Variants in AKR1B10 observed in about 807,000 individuals in gnomAD.
AKR1B10 encodes aldo-keto reductase family 1 member B10.
A neutral mutation model predicts 38.9 loss-of-function variants in AKR1B10; 39 were observed. The ratio of observed to expected loss-of-function variants is 1.00; its 90% CI spans 0.78 to 1.31. The LOEUF (loss-of-function observed/expected upper bound fraction) is 1.31. Among genes scored for constraint, AKR1B10 ranks in the 50% most tolerant of loss-of-function variants. The pLI, the probability that AKR1B10 is intolerant of heterozygous loss-of-function variation, is 0.00. For synonymous variants in AKR1B10, 148 were observed against 141.2 expected, an observed-to-expected ratio of 1.05 and a Z score of -0.34; for missense variants, 361 against 382.6, an observed-to-expected ratio of 0.94 and a Z score of 0.47.
At chr7:134,536,079 A>T (rs1442935462) in intron 4 of AKR1B10, among the ~76,000 whole-genome samples, 2 of 152,242 alleles carry the variant, frequency 1.3e-5, no homozygotes, top group African/African-American at 4.8e-5. Flanking sequence ...GGGTGCCCCT[A>T]TCAGGGTGTA....
intron 5 of AKR1B10, 125 bp from the exon 6 acceptor site, chr7:134,536,926 G>C (rs1279325072): frequency 6.3e-7 from 1 of 1,580,922 alleles, no homozygotes; most frequent in Non-Finnish European, 8.6e-7. Flanking sequence ...GGGTGATTTA[G>C]CAAGTATCTC....
Position 134,539,022 on chromosome 7 carries a change from G to C in AKR1B10, c.908+5G>C. ...GAGGGCCTGTAACGTGTTGCAGTAA[G>C]TGGCATGGAGTTAACTAGAAGCATT... On this transcript the variant is annotated splice_donor_5th_base_variant and intron_variant, in intron 9 of 9. Transcript: ENST00000359579. The C allele has an allele frequency of 6.2e-7, 1 of 1,614,082 alleles. No individual in the cohort carries two copies. Among genetic ancestry groups the C allele is most frequent in the Non-Finnish European group, 8.5e-7 (1 of 1,179,964 alleles).
At chr7:134,540,940 G>C (rs575836073) in intron 9 of AKR1B10, 107 bp from the exon 10 acceptor site, 3 of 823,432 alleles carry the variant, frequency 3.6e-6, no homozygotes, top group East Asian at 5.2e-5. Flanking sequence ...GAGGCTAAGA[G>C]AGCACAAATA....
chr7:134,535,630 T>C, intron 4 of AKR1B10: 1 of 230,592 alleles, frequency 4.3e-6, no homozygotes, highest in Non-Finnish European at 6.9e-6. Flanking sequence ...CAGCTTATAC[T>C]CTACCTGAAG....
intron 1 of AKR1B10, among the ~76,000 whole-genome samples, chr7:134,530,016 C>T (rs1807806012): frequency 6.6e-6 from 1 of 152,096 alleles, no homozygotes; most frequent in Non-Finnish European, 1.5e-5. Flanking sequence ...ACCACAAAGG[C>T]CTCATGAGGC....
chr7:134,538,138 A>T, intron 7 of AKR1B10, 56 bp from the exon 8 acceptor site: 5 of 1,478,160 alleles, frequency 3.4e-6, no homozygotes, highest in South Asian at 1.1e-5. Flanking sequence ...CTTCCTTTCC[A>T]TAAAAGGAGG....
chr7:134,533,001 C>T lies in AKR1B10; in HGVS notation c.352-3C>T. 1.3e-6 allele frequency: 2 copies of T among 1,599,228 alleles called. No homozygotes were observed. The highest frequency in any genetic ancestry group is 1.3e-5 in the African/African-American group (1 of 74,310). ...CAGTAAACTTTTCATTCTGTGTTCA[C>T]AGTCTGGGGATGACCTTTTCCCCAA... On this transcript the variant is annotated splice_polypyrimidine_tract_variant and splice_region_variant and intron_variant, in intron 3 of 9. Transcript: ENST00000359579.
rs760757911 is a variant in AKR1B10 at position 134,527,929 on chromosome 7, G to A, written c.18G>A (p.Glu6=). 1 of 1,613,766 alleles carries A rather than the reference G, an allele frequency of 6.2e-7. No homozygotes were observed. Among genetic ancestry groups the A allele is most frequent in the East Asian group, 2.2e-5 (1 of 44,862 alleles). ...CACCAACCATGGCCACGTTTGTGGA[G>A]CTCAGTACCAAAGCCAAGATGCCCA... The part of the protein sequence containing the change: MATFV[E]LSTKAKMPIV... The change falls in exon 1 of 10, where the codon GAG becomes GAA. Residue 6 remains glutamate, a synonymous_variant. Transcript: ENST00000359579.
Position 134,533,062 on chromosome 7 carries a change from C to A in AKR1B10, c.410C>A (p.Thr137Lys), listed in dbSNP as rs767733590. 6.3e-7 allele frequency: 1 copy of A among 1,596,634 alleles called. No homozygotes were observed. The highest frequency in any genetic ancestry group is 1.4e-5 in the African/African-American group (1 of 73,950). Reference protein sequence around the residue: ...DKGNAIGGKATFLDAWEAMEE... With the variant: ...DKGNAIGGKAKFLDAWEAMEE... ...GGTAATGCCATCGGTGGAAAAGCAACGTTCTTGGATGCCTGGGAGGTAGGT... is the reference window on the plus strand; with the variant it reads ...GGTAATGCCATCGGTGGAAAAGCAAAGTTCTTGGATGCCTGGGAGGTAGGT... Residue 137 changes from threonine (T) to lysine (K), a missense_variant, in exon 4 of 10, where the codon ACG (threonine) becomes AAG (lysine). Physicochemically the swap from Thr to Lys is moderately conservative, Grantham distance 78. Transcript: ENST00000359579.
At position 134,540,167 on chromosome 7, in the gene AKR1B10, G is replaced by C. The variant is rs1585759163; in HGVS notation, c.909-880G>C. ...CGGGAGGTAGAGCTTGCAGTGAGCT[G>C]AGATTGCGCCACTGCACTCCATCCT... On this transcript the variant is annotated intron_variant, in intron 9 of 9. Transcript: ENST00000359579. Among the ~76,000 whole-genome samples the C allele has an allele frequency of 3.3e-5, 5 of 151,990 alleles. No individual in the cohort carries two copies. The South Asian group carries it at 1.0e-3, about 32-fold the overall frequency.
Position 134,537,689 on chromosome 7 carries a change from C to G in AKR1B10, c.741+28C>G, listed in dbSNP as rs189865968. 1.3e-3 allele frequency: 2,082 copies of G among 1,610,550 alleles called. 3 individuals are homozygous for G. Among genetic ancestry groups the G allele is most frequent in the Non-Finnish European group, 1.7e-3 (1,978 of 1,176,908 alleles). Reference sequence around the variant, plus strand: ...GCCATATTTTTATTTTTCTTGTTATCCAACAACTCATTCTTCCAGTCTCGT... The same window carrying G: ...GCCATATTTTTATTTTTCTTGTTATGCAACAACTCATTCTTCCAGTCTCGT... On this transcript the variant is annotated intron_variant, in intron 7 of 9. Transcript: ENST00000359579.
intron 1 of AKR1B10, among the ~76,000 whole-genome samples, chr7:134,530,419 C>T (rs1269790709): frequency 1.3e-5 from 2 of 152,094 alleles, no homozygotes; most frequent in African/African-American, 4.8e-5. Context: ...AAGGAGACCC[C>T]AGTGAGGCCT....
intron 4 of AKR1B10, among the ~76,000 whole-genome samples, chr7:134,536,232 A>G (rs1028946421): frequency 1.3e-5 from 2 of 152,276 alleles, no homozygotes; most frequent in African/African-American, 4.8e-5. Context: ...TGCAATGCAC[A>G]CACACAACAG....
intron 8 of AKR1B10, 119 bp downstream of exon 8, chr7:134,538,396 C>T (rs1269001556): frequency 5.9e-6 from 6 of 1,020,850 alleles, no homozygotes; most frequent in Admixed American, 2.1e-5. Flanking sequence ...TTCCCACCAC[C>T]CTATCATTTT....
intron 7 of AKR1B10, among the ~76,000 whole-genome samples, chr7:134,537,990 A>G (rs1365396111): frequency 6.6e-6 from 1 of 151,854 alleles, no homozygotes; most frequent in Non-Finnish European, 1.5e-5. Context: ...TTCCTAAAAA[A>G]GGAAGATCAC....
intron 1 of AKR1B10, among the ~76,000 whole-genome samples, chr7:134,530,239 C>T (rs1467602921): frequency 6.6e-6 from 1 of 152,140 alleles, no homozygotes; most frequent in Non-Finnish European, 1.5e-5. Context: ...TGTAGTGGAG[C>T]GGTCTGCACC....
In AKR1B10 at chr7:134,532,170, T is replaced by A. The variant is rs555974466; in HGVS notation, c.351+146T>A. 21 of 1,002,474 alleles carry A rather than the reference T, an allele frequency of 2.1e-5. No individual in the cohort carries two copies. The African/African-American group carries it at 3.2e-4, about 15-fold the overall frequency. 62.1% of individuals were successfully genotyped at this position (1,002,474 alleles called of 1,614,324 possible). On this transcript the variant is annotated intron_variant, in intron 3 of 9. Transcript: ENST00000359579. ...ATGGCAGGTGGTCAGGAAGAGACCT[T>A]GGAGAAGAAACACACTGGCCTGGAA...
At chr7:134,538,058 A>G (rs1351638925) in intron 7 of AKR1B10, 136 bp from the exon 8 acceptor site, 2 of 839,598 alleles carry the variant, frequency 2.4e-6, no homozygotes, top group African/African-American at 3.4e-5. Flanking sequence ...CAAGTCTAAT[A>G]GCTGTGAAGG....
At chr7:134,534,188 C>T (rs1054238366) in intron 4 of AKR1B10, among the ~76,000 whole-genome samples, 1 of 152,196 alleles carries the variant, frequency 6.6e-6, no homozygotes, top group Non-Finnish European at 1.5e-5. Context: ...GTGGCACAAT[C>T]TTGGCTCACT....
Sources: gnomAD v4.1 joint callset for allele counts (sites outside exome capture counted in the v4.1 genomes callset) on GRCh38, gnomAD v4.1.1 for gene constraint, MANE v1.5 for transcripts, NCBI Gene and HGNC (gene_info 2026-07-23, HGNC 2026-07-21) for gene names.